ZPLD1: variants seen among roughly 807,000 people sequenced by gnomAD.
The protein encoded by ZPLD1 is zona pellucida-like domain-containing protein 1.
In ZPLD1, 34 loss-of-function variants were observed where a neutral mutation model predicts 47.2. The ratio of observed to expected loss-of-function variants is 0.72; its 90% CI spans 0.55 to 0.96. The LOEUF (loss-of-function observed/expected upper bound fraction) is 0.96. Among genes scored for constraint, ZPLD1 ranks in the 40% least tolerant of loss-of-function variants. ZPLD1 has a pLI of 0.00. For missense variants in ZPLD1, 512 were observed against 505.8 expected, an observed-to-expected ratio of 1.01 and a Z score of -0.12; for synonymous variants, 176 against 186.2, an observed-to-expected ratio of 0.95 and a Z score of 0.45.
At chr3:102,432,928 A>G (rs190622922), upstream of ZPLD1, among the ~76,000 whole-genome samples, 417 of 152,290 alleles carry the variant, frequency 2.7e-3, 1 homozygote, top group Middle Eastern at 6.8e-3. Context: ...TAAAACTTCA[A>G]TATTTCTTCC....
intron 6 of ZPLD1, 89 bp from the exon 7 acceptor site, chr3:102,462,192 T>C (rs61418052): frequency 1.3e-6 from 1 of 764,568 alleles, no homozygotes. Flanking sequence ...ATTTACTTTC[T>C]TTTTTCTCTC....
At chr3:102,462,625 A>T (rs7611152) in intron 7 of ZPLD1, among the ~76,000 whole-genome samples, 22,048 of 151,984 alleles carry the variant, frequency 0.15, 2,113 homozygotes, top group Middle Eastern at 0.24. Flanking sequence ...GGAACGGGGC[A>T]TGGGAAGATC....
chr3:102,471,652 T>C lies in ZPLD1; in HGVS notation c.1042+1150T>C, dbSNP rs543383052. Among the ~76,000 whole-genome samples the C allele has an allele frequency of 2.6e-5, 4 of 152,322 alleles. No individual in the cohort carries two copies. In the South Asian group the frequency reaches 8.3e-4, roughly 32 times the overall value. ...CAGAGTCCATTGGATAAAACAGAGATGTGGCATAAAAAACTCTGAAACTAA... is the reference window on the plus strand; with the variant it reads ...CAGAGTCCATTGGATAAAACAGAGACGTGGCATAAAAAACTCTGAAACTAA... On this transcript the variant is annotated intron_variant, in intron 10 of 11. Coordinates refer to ENST00000466937, the MANE Select transcript of ZPLD1 (RefSeq NM_001329788.2).
chr3:102,419,846 A>G (rs1319715402), intron 8 of ZPLD1, among the ~76,000 whole-genome samples: 1 of 151,754 alleles, frequency 6.6e-6, no homozygotes, highest in Non-Finnish European at 1.5e-5. Context: ...TACCTATTAG[A>G]AATGTTTGCT....
chr3:102,445,649 C>G (rs1240622322), intron 3 of ZPLD1, among the ~76,000 whole-genome samples: 2 of 152,194 alleles, frequency 1.3e-5, no homozygotes, highest in Non-Finnish European at 2.9e-5. Flanking sequence ...GGTGATTCAT[C>G]TGCACAGTAA....
At chr3:102,435,232 C>T (rs1707071026) in intron 1 of ZPLD1, 78 bp downstream of exon 1, 1 of 1,525,644 alleles carries the variant, frequency 6.6e-7, no homozygotes, top group Admixed American at 1.7e-5. Context: ...ATAAAGAAGG[C>T]TTGAAAATGT....
intron 8 of ZPLD1, among the ~76,000 whole-genome samples, chr3:102,425,163 T>C (rs1706928107): frequency 6.6e-6 from 1 of 152,202 alleles, no homozygotes; most frequent in Non-Finnish European, 1.5e-5. Context: ...ATCTTTGTTT[T>C]ATGGCACTGA....
intron 6 of ZPLD1, among the ~76,000 whole-genome samples, chr3:102,390,956 AG>A (rs1275512785): frequency 6.6e-6 from 1 of 152,178 alleles, no homozygotes; most frequent in Non-Finnish European, 1.5e-5. Flanking sequence ...ATGTCAGAAA[AG>A]GACCCCATGT....
chr3:102,388,501 T>C (rs937276760), intron 6 of ZPLD1, among the ~76,000 whole-genome samples: 3 of 151,160 alleles, frequency 2.0e-5, no homozygotes, highest in Non-Finnish European at 2.9e-5. Context: ...GTTATATGTA[T>C]ATAATACTAA....
Position 102,438,573 on chromosome 3 carries a change from A to G in ZPLD1, c.86A>G (p.Asn29Ser), listed in dbSNP as rs6784389. ...TTCAACGGCTACAACTGTGATGCCA[A>G]CCTCCACAGTAGATTTCCTGGTAAG... ...AQFNGYNCDA[N>S]LHSRFPAERD... is the part of the protein sequence containing the mutation. The change falls in exon 3 of 12, where the codon AAC becomes AGC. Residue 29 changes from asparagine to serine, a missense_variant. Physicochemically the swap from Asn to Ser is conservative, Grantham distance 46 (BLOSUM62 1). Coordinates refer to ENST00000466937, the MANE Select transcript of ZPLD1 (RefSeq NM_001329788.2). 0.14 allele frequency: 232,550 copies of G among 1,610,184 alleles called. 17,765 individuals carry two copies. The highest frequency in any genetic ancestry group is 0.2 in the Middle Eastern group (1,188 of 6,056).
intron 7 of ZPLD1, among the ~76,000 whole-genome samples, chr3:102,393,459 A>G (rs1338634761): frequency 1.3e-5 from 2 of 152,138 alleles, no homozygotes; most frequent in Admixed American, 1.3e-4. Flanking sequence ...GAATAAGAGT[A>G]TTTTGGTATA....
At chr3:102,403,308 G>GCT (rs1344153695) in intron 7 of ZPLD1, among the ~76,000 whole-genome samples, 2 of 152,010 alleles carry the variant, frequency 1.3e-5, no homozygotes, top group East Asian at 3.9e-4. Context: ...TTATACATGG[G>GCT]CTCAAAAGAC....
At chr3:102,394,604 A>G (rs1706536423) in intron 7 of ZPLD1, among the ~76,000 whole-genome samples, 1 of 152,174 alleles carries the variant, frequency 6.6e-6, no homozygotes, top group Non-Finnish European at 1.5e-5. Flanking sequence ...CAGCCTCCAT[A>G]TAGCTTTCCA....
intron 7 of ZPLD1, among the ~76,000 whole-genome samples, chr3:102,416,408 TTGAACCTG>T (rs1403666943): frequency 2.0e-5 from 3 of 151,950 alleles, no homozygotes; most frequent in Admixed American, 1.3e-4. Flanking sequence ...TAATTCCTAC[TTGAACCTG>T]TTGCATTTTC....
intron 6 of ZPLD1, among the ~76,000 whole-genome samples, chr3:102,385,508 G>A (rs1350448729): frequency 6.6e-6 from 1 of 152,128 alleles, no homozygotes; most frequent in Non-Finnish European, 1.5e-5. Context: ...ATTCCTTGTA[G>A]TATTTATGAA....
chr3:102,441,849 C>A (rs1024567377), intron 3 of ZPLD1, among the ~76,000 whole-genome samples: 32 of 152,090 alleles, frequency 2.1e-4, no homozygotes, highest in Non-Finnish European at 1.9e-4. Flanking sequence ...GTAGGGTGAC[C>A]ATCTGTGTTA....
At chr3:102,401,732 C>T (rs1051982203) in intron 7 of ZPLD1, among the ~76,000 whole-genome samples, 1 of 151,958 alleles carries the variant, frequency 6.6e-6, no homozygotes, top group South Asian at 2.1e-4. Flanking sequence ...AAAAAGAAAA[C>T]CATTGTGTAG....
intron 7 of ZPLD1, among the ~76,000 whole-genome samples, chr3:102,395,512 A>G (rs2107287569): frequency 6.6e-6 from 1 of 152,244 alleles, no homozygotes; most frequent in Admixed American, 6.5e-5. Flanking sequence ...TGGGGGCTGG[A>G]AAAGGCAAGG....
intron 7 of ZPLD1, among the ~76,000 whole-genome samples, 182 bp from the exon 8 acceptor site, chr3:102,463,989 G>GC (rs1707550908): frequency 6.6e-6 from 1 of 151,990 alleles, no homozygotes; most frequent in Non-Finnish European, 1.5e-5. Context: ...GGCGGAGCTT[G>GC]CAGTGAGCCG....
Sources: allele counts gnomAD v4.1 joint callset (sites outside exome capture counted in the v4.1 genomes callset), GRCh38; gene constraint gnomAD v4.1.1; transcripts MANE v1.5; gene names NCBI Gene and HGNC (gene_info 2026-07-23, HGNC 2026-07-21).